Variants in LRRC4C observed in about 807,000 individuals in gnomAD.
The protein encoded by LRRC4C is leucine rich repeat containing 4C.
LRRC4C carries 5 observed loss-of-function variants against 33.6 expected under a neutral mutation model. The observed-to-expected ratio is 0.15, with a 90% CI of 0.08 to 0.31. The LOEUF is 0.31. Ranked by LOEUF, LRRC4C falls within the 10% of genes least tolerant of loss-of-function variation. The pLI, the probability that LRRC4C is intolerant of heterozygous loss-of-function variation, is 1.00. For missense variants in LRRC4C, 560 were observed against 796.7 expected, an observed-to-expected ratio of 0.70 and a Z score of 3.58; for synonymous variants, 329 against 302.0, an observed-to-expected ratio of 1.09 and a Z score of -0.93.
At chr11:41,021,057 TTAAG>T (rs1855928509) in intron 1 of LRRC4C, among the ~76,000 whole-genome samples, 1 of 151,984 alleles carries the variant, frequency 6.6e-6, no homozygotes, top group Non-Finnish European at 1.5e-5. Context: ...CAATTTATAA[TTAAG>T]TAACTGTTGG....
intron 2 of LRRC4C, among the ~76,000 whole-genome samples, chr11:40,881,457 TA>T (rs1428094780): frequency 6.6e-6 from 1 of 152,110 alleles, no homozygotes; most frequent in Non-Finnish European, 1.5e-5. Context: ...GTCAAAGCAA[TA>T]AAAACAAATC....
chr11:40,149,178 G>A (rs535814808), intron 5 of LRRC4C, among the ~76,000 whole-genome samples: 13 of 151,852 alleles, frequency 8.6e-5, no homozygotes, highest in African/African-American at 3.1e-4. Context: ...AAGGGAACAG[G>A]GGTTCCATAT....
chr11:41,255,464 C>T (rs1948769922), intron 1 of LRRC4C, among the ~76,000 whole-genome samples: 1 of 152,006 alleles, frequency 6.6e-6, no homozygotes, highest in African/African-American at 2.4e-5. Flanking sequence ...AATAAATCAC[C>T]ATCTAGACAA....
intron 1 of LRRC4C, among the ~76,000 whole-genome samples, chr11:41,001,742 A>G (rs11036184): frequency 0.14 from 20,804 of 152,246 alleles, 1,550 homozygotes; most frequent in Middle Eastern, 0.21. Flanking sequence ...ATGATTTAGC[A>G]TAGCTTAGCT....
intron 5 of LRRC4C, among the ~76,000 whole-genome samples, chr11:40,210,302 T>A (rs1201311964): frequency 1.5e-5 from 2 of 133,420 alleles, no homozygotes; most frequent in Non-Finnish European, 3.0e-5. Flanking sequence ...GGATATGCAA[T>A]ATAAAGTTTA....
intron 1 of LRRC4C, among the ~76,000 whole-genome samples, chr11:40,985,366 T>C (rs560168658): frequency 7.1e-6 from 1 of 141,840 alleles, no homozygotes; most frequent in South Asian, 2.2e-4. Context: ...TTTCAGTTAA[T>C]AGGGGGGGAA....
chr11:40,867,880 A>T (rs370710747), intron 2 of LRRC4C, among the ~76,000 whole-genome samples: 1 of 152,130 alleles, frequency 6.6e-6, no homozygotes, highest in South Asian at 2.1e-4. Flanking sequence ...TGCTCATTAG[A>T]TAATGTCACT....
In LRRC4C at chr11:40,142,776, C is replaced by T. The variant is rs1857460871; in HGVS notation, c.-95-1923G>A. On this transcript the variant is annotated intron_variant, in intron 5 of 6. Transcript: ENST00000528697. ...TAGGTGGTCGTATAATGCTTTTAAA[C>T]ACCATCTATAAACTGAAGACTGCCA... Among the ~76,000 whole-genome samples the T allele has an allele frequency of 2.6e-5, 4 of 151,958 alleles. No homozygotes were observed. The South Asian group carries it at 8.3e-4, about 32-fold the overall frequency.
intron 1 of LRRC4C, among the ~76,000 whole-genome samples, chr11:41,423,506 G>A (rs76293067): frequency 0.019 from 2,901 of 152,034 alleles, 107 homozygotes; most frequent in African/African-American, 0.067. Flanking sequence ...TGGATGATGG[G>A]GTGTCATTTA....
intron 3 of LRRC4C, among the ~76,000 whole-genome samples, chr11:40,414,942 C>T (rs1023515836): frequency 6.6e-6 from 1 of 152,118 alleles, no homozygotes; most frequent in African/African-American, 2.4e-5. Flanking sequence ...ATGGAAACTA[C>T]TTACAAATTC....
intron 2 of LRRC4C, among the ~76,000 whole-genome samples, chr11:40,815,538 G>T (rs1951671915): frequency 6.6e-6 from 1 of 152,114 alleles, no homozygotes; most frequent in Admixed American, 6.5e-5. Flanking sequence ...TTTCTCAAGA[G>T]CCCTGATTGC....
chr11:40,220,770 C>T (rs1183381572), intron 5 of LRRC4C, among the ~76,000 whole-genome samples: 15 of 151,808 alleles, frequency 9.9e-5, no homozygotes, highest in Non-Finnish European at 5.9e-5. Context: ...ATATTAAAAA[C>T]TATTTTAAAA....
At chr11:41,140,188 A>G (rs1943441783) in intron 1 of LRRC4C, among the ~76,000 whole-genome samples, 1 of 152,160 alleles carries the variant, frequency 6.6e-6, no homozygotes, top group South Asian at 2.1e-4. Context: ...AGTAGATGAC[A>G]ATGTTGAAAT....
intron 1 of LRRC4C, among the ~76,000 whole-genome samples, chr11:41,291,801 G>A (rs1307472246): frequency 6.6e-6 from 1 of 152,132 alleles, no homozygotes; most frequent in Non-Finnish European, 1.5e-5. Flanking sequence ...AAGGGGAAAA[G>A]AAGGAGGAGA....
At position 41,292,880 on chromosome 11, in the gene LRRC4C, A is replaced by G. The variant is rs777102248; in HGVS notation, c.-496+166551T>C. Among the ~76,000 whole-genome samples the G allele has an allele frequency of 5.7e-4, 87 of 152,184 alleles. 1 individual carries two copies. The highest frequency in any genetic ancestry group is 4.4e-4 in the Non-Finnish European group (30 of 68,002). ...TATGTATCTAACCTTTACAAATTTCACATGCTGTGAGTTGGCAATTTCTAA... is the reference window on the plus strand; with the variant it reads ...TATGTATCTAACCTTTACAAATTTCGCATGCTGTGAGTTGGCAATTTCTAA... On this transcript the variant is annotated intron_variant, in intron 1 of 6. Coordinates refer to ENST00000528697, the MANE Select transcript of LRRC4C (RefSeq NM_001258419.2).
intron 3 of LRRC4C, among the ~76,000 whole-genome samples, chr11:40,462,698 TAAA>T (rs1952458645): frequency 6.6e-6 from 1 of 152,026 alleles, no homozygotes; most frequent in South Asian, 2.1e-4. Flanking sequence ...AATAGATACT[TAAA>T]AAAGATTGGA....
chr11:40,590,210 C>T (rs1443015554), intron 3 of LRRC4C, among the ~76,000 whole-genome samples: 3 of 151,656 alleles, frequency 2.0e-5, no homozygotes, highest in African/African-American at 7.3e-5. Context: ...CTTCCCTTCT[C>T]GCTTCATTTT....
At chr11:40,154,842 T>C (rs1370333594) in intron 5 of LRRC4C, among the ~76,000 whole-genome samples, 3 of 152,196 alleles carry the variant, frequency 2.0e-5, no homozygotes, top group Non-Finnish European at 4.4e-5. Flanking sequence ...AACTATACCT[T>C]GGAACAAATG....
At chr11:40,287,301 C>G (rs1006031838) in intron 4 of LRRC4C, among the ~76,000 whole-genome samples, 1 of 144,854 alleles carries the variant, frequency 6.9e-6, no homozygotes, top group Non-Finnish European at 1.5e-5. Flanking sequence ...TGTATTCCAT[C>G]AGTATACTCG....
Sources: allele counts gnomAD v4.1 joint callset (sites outside exome capture counted in the v4.1 genomes callset), GRCh38; gene constraint gnomAD v4.1.1; transcripts MANE v1.5; gene names NCBI Gene and HGNC (gene_info 2026-07-23, HGNC 2026-07-21).